NRG3: variants seen among roughly 807,000 people sequenced by gnomAD.
NRG3 encodes pro-neuregulin-3, membrane-bound isoform.
Under a neutral mutation model 66.9 loss-of-function variants are expected in NRG3, and 31 were observed. The observed-to-expected ratio is 0.46, with a 90% CI of 0.35 to 0.63. NRG3 has a LOEUF of 0.63. NRG3 is among the 20% of genes least tolerant of loss of function. The pLI, the probability that NRG3 is intolerant of heterozygous loss-of-function variation, is 0.00. For synonymous variants in NRG3, 393 were observed against 359.4 expected (o/e 1.09, Z -1.06); for missense variants, 910 against 878.9 (o/e 1.04, Z -0.45).
intron 1 of NRG3, among the ~76,000 whole-genome samples, chr10:82,124,566 G>C (rs759257418): frequency 1.3e-5 from 2 of 151,714 alleles, no homozygotes; most frequent in African/African-American, 4.8e-5. Flanking sequence ...GGCCTGTCGG[G>C]GGGTGGAGGG....
chr10:81,990,725 A>G (rs1317470393), intron 1 of NRG3, among the ~76,000 whole-genome samples: 1 of 152,158 alleles, frequency 6.6e-6, no homozygotes, highest in Non-Finnish European at 1.5e-5. Context: ...ATAAATAACA[A>G]TTACAGAGAG....
intron 3 of NRG3, among the ~76,000 whole-genome samples, chr10:82,771,417 T>C (rs2059707323): frequency 1.3e-5 from 2 of 152,146 alleles, no homozygotes; most frequent in Admixed American, 1.3e-4. Flanking sequence ...ATAGGTACTA[T>C]AGTTGCTGAC....
chr10:82,114,358 A>G (rs921563943), intron 1 of NRG3, among the ~76,000 whole-genome samples: 8 of 152,156 alleles, frequency 5.3e-5, no homozygotes, highest in African/African-American at 1.7e-4. Flanking sequence ...AATTACTTCT[A>G]ACTCGACCCC....
chr10:82,092,136 A>G (rs1324775221), intron 1 of NRG3, among the ~76,000 whole-genome samples: 9 of 152,172 alleles, frequency 5.9e-5, no homozygotes, highest in Admixed American at 4.6e-4. Flanking sequence ...ATGAAGTTGA[A>G]GACTATGAAG....
chr10:82,289,904 A>G (rs1347431099), intron 1 of NRG3, among the ~76,000 whole-genome samples: 1 of 152,234 alleles, frequency 6.6e-6, no homozygotes, highest in Non-Finnish European at 1.5e-5. Context: ...GACAGCAAGC[A>G]TCAGGCAATT....
chr10:82,203,312 A>G (rs1024599186), intron 1 of NRG3, among the ~76,000 whole-genome samples: 2 of 152,318 alleles, frequency 1.3e-5, no homozygotes, highest in South Asian at 2.1e-4. Flanking sequence ...ACAGTAGGCT[A>G]CAAGTAGCGG....
intron 4 of NRG3, among the ~76,000 whole-genome samples, chr10:82,908,022 T>C (rs1844922892): frequency 6.6e-6 from 1 of 152,304 alleles, no homozygotes; most frequent in Non-Finnish European, 1.5e-5. Context: ...ATGAAGACAT[T>C]ATGGATAAAG....
At chr10:82,308,247 TG>T (rs775369689) in intron 1 of NRG3, among the ~76,000 whole-genome samples, 39 of 152,054 alleles carry the variant, frequency 2.6e-4, no homozygotes, top group Admixed American at 6.5e-4. Context: ...CCACCATGCC[TG>T]GCTAAGTATT....
At position 82,513,104 on chromosome 10, in the gene NRG3, C is replaced by T. The variant is rs142711880; in HGVS notation, c.953+154236C>T. Among the ~76,000 whole-genome samples the T allele has an allele frequency of 6.3e-3, 956 of 152,302 alleles. 5 individuals are homozygous for T. Among genetic ancestry groups the T allele is most frequent in the African/African-American group, 0.022 (911 of 41,566 alleles). On this transcript the variant is annotated intron_variant, in intron 2 of 8. Coordinates refer to ENST00000372141, the MANE Select transcript of NRG3 (RefSeq NM_001010848.4). ...TTAGCTATCTATCCTGATGCTCTCC[C>T]TCCTCCCACAACCCTCGACATGCCC...
Position 82,186,018 on chromosome 10 carries a change from TAATC to T in NRG3, c.824-172717_824-172714del, listed in dbSNP as rs879553308. ...GCATATCTCTAGTTCTGATTCTAGT[TAATC>T]AATATCAGCAGAAAGCTTATCATTT... On this transcript the variant is annotated intron_variant, in intron 1 of 8. Coordinates refer to ENST00000372141, the MANE Select transcript of NRG3 (RefSeq NM_001010848.4). Among the ~76,000 whole-genome samples the T allele has an allele frequency of 3.3e-5, 5 of 152,302 alleles. No homozygotes were observed. In the East Asian group the frequency reaches 5.8e-4, roughly 18 times the overall value.
chr10:82,055,200 C>T (rs1397999236), intron 1 of NRG3, among the ~76,000 whole-genome samples: 3 of 151,848 alleles, frequency 2.0e-5, no homozygotes, highest in Admixed American at 2.0e-4. Context: ...AAAAAGAAGC[C>T]GAGCGCGGTG....
intron 2 of NRG3, among the ~76,000 whole-genome samples, chr10:82,711,863 T>C (rs1001365832): frequency 6.6e-6 from 1 of 152,216 alleles, no homozygotes; most frequent in African/African-American, 2.4e-5. Context: ...TCTCATACTT[T>C]TGTATTCTAA....
chr10:82,636,760 C>A (rs1210192361), intron 2 of NRG3, among the ~76,000 whole-genome samples: 1 of 151,152 alleles, frequency 6.6e-6, no homozygotes, highest in African/African-American at 2.4e-5. Flanking sequence ...GAGTATATAC[C>A]CAGAAGAGGA....
intron 1 of NRG3, among the ~76,000 whole-genome samples, chr10:82,320,538 TTAA>T (rs1416544008): frequency 8.5e-5 from 13 of 152,308 alleles, no homozygotes; most frequent in African/African-American, 2.2e-4. Context: ...GGCATTGGAC[TTAA>T]TAATTTCTGG....
chr10:82,562,206 A>T (rs542105741), intron 2 of NRG3, among the ~76,000 whole-genome samples: 2 of 152,266 alleles, frequency 1.3e-5, no homozygotes, highest in East Asian at 3.9e-4. Flanking sequence ...TCAATCAACA[A>T]TCACCATCAT....
intron 1 of NRG3, among the ~76,000 whole-genome samples, chr10:81,908,546 A>T (rs1844812900): frequency 6.6e-6 from 1 of 152,226 alleles, no homozygotes; most frequent in Non-Finnish European, 1.5e-5. Flanking sequence ...CTGGCTTTGT[A>T]CAAGTTATTT....
chr10:82,945,198 C>A (rs376821093), intron 4 of NRG3, among the ~76,000 whole-genome samples: 6 of 152,274 alleles, frequency 3.9e-5, no homozygotes, highest in African/African-American at 1.4e-4. Context: ...AGGCAGCATA[C>A]CAGTGTCAGC....
chr10:82,184,154 A>G (rs1365123065), intron 1 of NRG3, among the ~76,000 whole-genome samples: 1 of 152,128 alleles, frequency 6.6e-6, no homozygotes, highest in East Asian at 1.9e-4. Flanking sequence ...CTGGTGTCAA[A>G]ACTATTTTTA....
At chr10:82,920,492 T>C (rs1467589006) in intron 4 of NRG3, among the ~76,000 whole-genome samples, 4 of 152,144 alleles carry the variant, frequency 2.6e-5, no homozygotes, top group Non-Finnish European at 5.9e-5. Context: ...ATACATGGAA[T>C]AGCATATTCA....
Sources: gnomAD v4.1 joint callset for allele counts (sites outside exome capture counted in the v4.1 genomes callset) on GRCh38, gnomAD v4.1.1 for gene constraint, MANE v1.5 for transcripts, NCBI Gene and HGNC (gene_info 2026-07-23, HGNC 2026-07-21) for gene names.